The following EIF4G3 variants were observed in gnomAD, a reference collection of about 807,000 sequenced individuals.
EIF4G3 encodes the protein eukaryotic translation initiation factor 4 gamma 3.
EIF4G3 carries 34 observed loss-of-function variants against 186.4 expected under a neutral mutation model. The ratio of observed to expected loss-of-function variants is 0.18; its 90% CI spans 0.14 to 0.24. The LOEUF (loss-of-function observed/expected upper bound fraction) is 0.24, where lower values mean the gene tolerates loss of function less well. EIF4G3 is among the 10% of genes least tolerant of loss of function. EIF4G3 has a pLI of 1.00. For synonymous variants in EIF4G3, 673 were observed against 679.5 expected (o/e 0.99, Z 0.15); for missense variants, 1,536 against 1,948.5 (o/e 0.79, Z 3.99).
At chr1:20,886,522 TA>T (rs933618802) in intron 18 of EIF4G3, 151 bp from the exon 19 acceptor site, 88 of 611,902 alleles carry the variant, frequency 1.4e-4, no homozygotes, top group Middle Eastern at 4.2e-4. Flanking sequence ...TTTTTGGGGG[TA>T]AAAAAAATAA....
intron 2 of EIF4G3, among the ~76,000 whole-genome samples, chr1:21,118,552 G>A (rs933789275): frequency 3.9e-5 from 6 of 152,016 alleles, no homozygotes; most frequent in African/African-American, 9.7e-5. Flanking sequence ...TTTGGGAGGC[G>A]GAGGCGGGCA....
chr1:20,862,540 G>A (rs952764826), intron 22 of EIF4G3, among the ~76,000 whole-genome samples: 2 of 152,070 alleles, frequency 1.3e-5, no homozygotes, highest in African/African-American at 4.8e-5. Flanking sequence ...AGCCTCTCGA[G>A]TAGCTGGGAC....
intron 35 of EIF4G3, 124 bp downstream of exon 35, chr1:20,813,034 G>A (rs2059582375): frequency 1.5e-6 from 1 of 656,662 alleles, no homozygotes; most frequent in African/African-American, 1.8e-5. Flanking sequence ...AGAAAGGACA[G>A]TGCACAGAAA....
chr1:20,902,187 C>T (rs1408480807), intron 15 of EIF4G3, among the ~76,000 whole-genome samples: 1 of 152,002 alleles, frequency 6.6e-6, no homozygotes, highest in Non-Finnish European at 1.5e-5. Flanking sequence ...CCTCAGCCTC[C>T]TGAGTAGCTG....
Position 20,899,820 on chromosome 1 carries a change from T to C in EIF4G3, c.1876A>G (p.Asn626Asp), listed in dbSNP as rs111670810. 6.2e-7 allele frequency: 1 copy of C among 1,614,132 alleles called. No homozygotes were observed. The highest frequency in any genetic ancestry group is 8.5e-7 in the Non-Finnish European group (1 of 1,180,012). ...CGTACTGGCTCAGCTTCTTCTCCAT[T>C]TTCTTCCACAGCTTTCACTTTTTTT... The part of the protein sequence containing the change: ...DLKKVKAVEE[N>D]GEEAEPVRNG... The change falls in exon 16 of 37, where the codon AAT becomes GAT. Residue 626 changes from asparagine (N) to aspartate (D), a missense_variant. Physicochemically the swap from Asn to Asp is conservative, Grantham distance 23. Coordinates refer to ENST00000602326, the MANE Select transcript of EIF4G3 (RefSeq NM_001391906.1).
At chr1:21,151,375 G>A (rs900456793) in intron 2 of EIF4G3, among the ~76,000 whole-genome samples, 2 of 150,668 alleles carry the variant, frequency 1.3e-5, no homozygotes, top group Middle Eastern at 3.4e-3. Flanking sequence ...AGTAGCTGGG[G>A]TTACAGGCGC....
intron 2 of EIF4G3, among the ~76,000 whole-genome samples, chr1:21,128,515 CA>C (rs928681115): frequency 7.5e-5 from 11 of 145,958 alleles, no homozygotes; most frequent in South Asian, 2.2e-4. Flanking sequence ...ATCTCAAAAA[CA>C]AAAAAAAAAG....
At chr1:21,148,813 T>A (rs1224818364) in intron 2 of EIF4G3, among the ~76,000 whole-genome samples, 1 of 149,396 alleles carries the variant, frequency 6.7e-6, no homozygotes, top group African/African-American at 2.5e-5. Flanking sequence ...CACAGCAAGA[T>A]CCTCATGTCA....
At chr1:20,873,456 G>A (rs1439827214) in intron 20 of EIF4G3, among the ~76,000 whole-genome samples, 2 of 152,160 alleles carry the variant, frequency 1.3e-5, no homozygotes, top group African/African-American at 4.8e-5. Flanking sequence ...AGTGGCTGTT[G>A]CAATCAGTAT....
At chr1:21,125,208 A>C (rs911462640) in intron 2 of EIF4G3, among the ~76,000 whole-genome samples, 1 of 152,198 alleles carries the variant, frequency 6.6e-6, no homozygotes, top group Non-Finnish European at 1.5e-5. Flanking sequence ...TATGCAGCAT[A>C]TGAGATATAA....
chr1:21,101,574 A>AAAAAAAAAAAAAAAAAC, intron 2 of EIF4G3, among the ~76,000 whole-genome samples: 1 of 136,834 alleles, frequency 7.3e-6, no homozygotes, highest in African/African-American at 2.6e-5. Flanking sequence ...AAAAAAAAAA[A>AAAAAAAAAAAAAAAAAC]ACAACAAAAA....
intron 4 of EIF4G3, among the ~76,000 whole-genome samples, chr1:21,007,135 C>T (rs1238809476): frequency 1.1e-4 from 17 of 152,200 alleles, no homozygotes; most frequent in African/African-American, 3.4e-4. Context: ...TGGTGGCTCA[C>T]GCCTGTAATC....
chr1:21,150,327 A>G (rs2097529801), intron 2 of EIF4G3, among the ~76,000 whole-genome samples: 2 of 152,252 alleles, frequency 1.3e-5, no homozygotes, highest in Non-Finnish European at 1.5e-5. Flanking sequence ...AAATGTTGCA[A>G]TAATATGCCA....
intron 3 of EIF4G3, among the ~76,000 whole-genome samples, chr1:21,069,272 C>T (rs1572045738): frequency 6.6e-6 from 1 of 152,274 alleles, no homozygotes; most frequent in East Asian, 1.9e-4. Context: ...ATGCTTCACT[C>T]CTCCAAGTAC....
chr1:20,855,473 C>G (rs1171269989), intron 25 of EIF4G3, among the ~76,000 whole-genome samples: 1 of 152,060 alleles, frequency 6.6e-6, no homozygotes, highest in Non-Finnish European at 1.5e-5. Context: ...AACAGATCAA[C>G]AGACATAAAA....
intron 12 of EIF4G3, among the ~76,000 whole-genome samples, chr1:20,962,347 T>C (rs935196938): frequency 1.3e-5 from 2 of 152,204 alleles, no homozygotes; most frequent in African/African-American, 4.8e-5. Flanking sequence ...TAATGTAAGC[T>C]AGAAGAAAAT....
intron 2 of EIF4G3, among the ~76,000 whole-genome samples, chr1:21,094,067 GT>G (rs1490004476): frequency 6.6e-6 from 1 of 151,696 alleles, no homozygotes; most frequent in African/African-American, 2.4e-5. Flanking sequence ...AAACCTGCAC[GT>G]TGTGCACATG....
At chr1:20,808,906 A>C (rs1166893510) in intron 36 of EIF4G3, among the ~76,000 whole-genome samples, 1 of 152,184 alleles carries the variant, frequency 6.6e-6, no homozygotes, top group African/African-American at 2.4e-5. Context: ...CCGATCATTT[A>C]TATTAATGGA....
At chr1:21,077,106 A>T (rs1000331030) in intron 3 of EIF4G3, among the ~76,000 whole-genome samples, 2 of 152,212 alleles carry the variant, frequency 1.3e-5, no homozygotes, top group African/African-American at 4.8e-5. Flanking sequence ...GAAAAGAAGA[A>T]AAAAATCCAA....
Sources: gnomAD v4.1 joint callset for allele counts (sites outside exome capture counted in the v4.1 genomes callset) on GRCh38, gnomAD v4.1.1 for gene constraint, MANE v1.5 for transcripts, NCBI Gene and HGNC (gene_info 2026-07-23, HGNC 2026-07-21) for gene names.